The following MYO5B variants were observed in gnomAD, a reference collection of about 807,000 sequenced individuals.
MYO5B encodes unconventional myosin-Vb.
Under a neutral mutation model 229.3 loss-of-function variants are expected in MYO5B, and 143 were observed. That is an observed-to-expected ratio of 0.62 (90% CI 0.54 to 0.72). The LOEUF (loss-of-function observed/expected upper bound fraction) is 0.72, where lower values mean the gene tolerates loss of function less well. Among genes scored for constraint, MYO5B ranks in the 30% least tolerant of loss-of-function variants. The pLI is 0.00. For synonymous variants in MYO5B, 918 were observed against 885.2 expected (o/e 1.04, Z -0.66); for missense variants, 2,321 against 2,331.0 (o/e 1.00, Z 0.09).
chr18:49,902,468 G>T, intron 21 of MYO5B, 126 bp downstream of exon 21: 5 of 1,306,782 alleles, frequency 3.8e-6, no homozygotes, highest in Non-Finnish European at 5.4e-6. Context: ...ATCTGCTGTG[G>T]TCTGAGGACG....
At chr18:50,100,616 A>G (rs888870203) in intron 1 of MYO5B, among the ~76,000 whole-genome samples, 53 of 152,184 alleles carry the variant, frequency 3.5e-4, no homozygotes, top group African/African-American at 1.2e-3. Flanking sequence ...GGTCCAAGAC[A>G]TTACCTGGTA....
intron 33 of MYO5B, 45 bp from the exon 34 acceptor site, chr18:49,843,437 G>A: frequency 6.2e-7 from 1 of 1,603,502 alleles, no homozygotes; most frequent in Non-Finnish European, 8.5e-7. Flanking sequence ...ATCTATGGGG[G>A]ACAATGGAGG....
chr18:50,134,532 G>A (rs2032305453), intron 1 of MYO5B, among the ~76,000 whole-genome samples: 1 of 151,090 alleles, frequency 6.6e-6, no homozygotes, highest in African/African-American at 2.4e-5. Flanking sequence ...TCCAGCCTGG[G>A]CGATAGAGTG....
At chr18:50,162,893 G>T (rs142596026) in intron 1 of MYO5B, among the ~76,000 whole-genome samples, 1 of 152,138 alleles carries the variant, frequency 6.6e-6, no homozygotes, top group African/African-American at 2.4e-5. Context: ...CTGTCACAGC[G>T]GCATCTCCCT....
Position 49,954,570 on chromosome 18 carries a change from C to T in MYO5B, c.1546-135G>A, listed in dbSNP as rs560143028. On this transcript the variant is annotated intron_variant, in intron 12 of 39. Coordinates refer to ENST00000285039, the MANE Select transcript of MYO5B (RefSeq NM_001080467.3). ...CCCTCGAACCAGGACCTTAACTGGA[C>T]GGTGCAAAGAATGATTCAACCATAC... 106 of 1,158,984 alleles carry T rather than the reference C, an allele frequency of 9.1e-5. 1 individual carries two copies. The highest frequency in any genetic ancestry group is 9.1e-4 in the South Asian group (72 of 78,770). 71.8% of individuals were successfully genotyped at this position (1,158,984 alleles called of 1,614,324 possible).
Position 50,176,277 on chromosome 18 carries a change from T to C in MYO5B, c.27+18490A>G, listed in dbSNP as rs138195300. ...ACTGCCCATGACCGTGGTGAGATGT[T>C]CTAACTTCAAGAGGCTCTGAACTGC... On this transcript the variant is annotated intron_variant, in intron 1 of 39. Coordinates refer to ENST00000285039, the MANE Select transcript of MYO5B (RefSeq NM_001080467.3). Among the ~76,000 whole-genome samples the C allele has an allele frequency of 2.3e-3, 351 of 152,292 alleles. 2 individuals carry two copies. The highest frequency in any genetic ancestry group is 8.2e-3 in the African/African-American group (341 of 41,576).
At chr18:50,039,394 C>T (rs373879210) in intron 3 of MYO5B, among the ~76,000 whole-genome samples, 4 of 152,074 alleles carry the variant, frequency 2.6e-5, no homozygotes, top group Admixed American at 6.5e-5. Context: ...TGCAGTGGCG[C>T]GATCTCGGCT....
At position 50,046,918 on chromosome 18, in the gene MYO5B, C is replaced by T. The variant is rs937432009; in HGVS notation, c.139-6604G>A. Reference sequence around the variant, plus strand: ...AAGCTGAAACTGGATCCCTTCCTTACACCTTATACAAAAATTCATTCAAGA... The same window carrying T: ...AAGCTGAAACTGGATCCCTTCCTTATACCTTATACAAAAATTCATTCAAGA... On this transcript the variant is annotated intron_variant, in intron 2 of 39. Coordinates refer to ENST00000285039, the MANE Select transcript of MYO5B (RefSeq NM_001080467.3). 4.6e-5 allele frequency among the ~76,000 whole-genome samples: 7 copies of T among 152,292 alleles called. No individual in the cohort carries two copies. In the South Asian group the frequency reaches 1.2e-3, roughly 27 times the overall value.
At chr18:49,864,738 T>C (rs2024376946) in intron 27 of MYO5B, among the ~76,000 whole-genome samples, 1 of 152,230 alleles carries the variant, frequency 6.6e-6, no homozygotes, top group South Asian at 2.1e-4. Context: ...TCCTACAATC[T>C]AAATATGTTC....
chr18:50,181,706 T>C (rs2033076105), intron 1 of MYO5B, among the ~76,000 whole-genome samples: 1 of 152,170 alleles, frequency 6.6e-6, no homozygotes, highest in Non-Finnish European at 1.5e-5. Context: ...AGCATGCTGG[T>C]CATAAAAATC....
At chr18:49,970,059 A>C (rs926916189) in intron 10 of MYO5B, 1 of 152,268 alleles carries the variant, frequency 6.6e-6, no homozygotes, top group Non-Finnish European at 1.5e-5. Context: ...AGAGGATAGG[A>C]ACAAAGGATT....
chr18:49,949,741 T>C (rs2025412906), intron 14 of MYO5B, among the ~76,000 whole-genome samples: 1 of 152,240 alleles, frequency 6.6e-6, no homozygotes, highest in African/African-American at 2.4e-5. Context: ...GAGATTTAGC[T>C]GTGCTAAATG....
intron 1 of MYO5B, among the ~76,000 whole-genome samples, chr18:50,168,577 G>C (rs1052258926): frequency 6.6e-6 from 1 of 152,184 alleles, no homozygotes; most frequent in African/African-American, 2.4e-5. Context: ...ATCCAGGACA[G>C]ATGTGCTCCA....
intron 12 of MYO5B, among the ~76,000 whole-genome samples, chr18:49,955,623 T>A (rs1312289418): frequency 6.6e-6 from 1 of 152,228 alleles, no homozygotes; most frequent in African/African-American, 2.4e-5. Flanking sequence ...GTAAGCAAAC[T>A]GATTTTGCTC....
At chr18:49,987,897 G>A (rs568012520) in intron 7 of MYO5B, among the ~76,000 whole-genome samples, 1 of 152,154 alleles carries the variant, frequency 6.6e-6, no homozygotes, top group African/African-American at 2.4e-5. Flanking sequence ...TTCACAAAAG[G>A]GCCAGGAGAT....
chr18:49,970,596 A>T (rs1038989144), intron 10 of MYO5B, among the ~76,000 whole-genome samples: 2 of 152,080 alleles, frequency 1.3e-5, no homozygotes, highest in African/African-American at 4.8e-5. Context: ...GTGTGTATTC[A>T]CTCTGGCTGT....
intron 5 of MYO5B, among the ~76,000 whole-genome samples, chr18:50,000,315 G>A (rs534707073): frequency 6.6e-6 from 1 of 152,266 alleles, no homozygotes; most frequent in South Asian, 2.1e-4. Context: ...CTCAACTAAT[G>A]TCTTCTTACT....
At chr18:50,133,954 G>A (rs997700026) in intron 1 of MYO5B, among the ~76,000 whole-genome samples, 1 of 152,172 alleles carries the variant, frequency 6.6e-6, no homozygotes, top group Non-Finnish European at 1.5e-5. Context: ...TTAGCATGCT[G>A]CCTTATGTAT....
At chr18:50,109,869 G>T (rs2031834279) in intron 1 of MYO5B, among the ~76,000 whole-genome samples, 1 of 152,146 alleles carries the variant, frequency 6.6e-6, no homozygotes, top group Non-Finnish European at 1.5e-5. Context: ...CAGGCCTAAA[G>T]CCATGTGAGA....
Sources: gnomAD v4.1 joint callset for allele counts (sites outside exome capture counted in the v4.1 genomes callset) on GRCh38, gnomAD v4.1.1 for gene constraint, MANE v1.5 for transcripts, NCBI Gene and HGNC (gene_info 2026-07-23, HGNC 2026-07-21) for gene names.